SYCP1: variants seen among roughly 807,000 people sequenced by gnomAD.
SYCP1 encodes the protein cancer/testis antigen 8.
A neutral mutation model predicts 153.1 loss-of-function variants in SYCP1; 64 were observed. The observed-to-expected ratio is 0.42, with a 90% confidence interval of 0.34 to 0.51. The LOEUF is 0.51. Among genes scored for constraint, SYCP1 ranks in the 20% least tolerant of loss-of-function variants. The probability of loss-of-function intolerance (pLI) is 0.06; values close to 1 mark genes in which losing one functional copy is unlikely to be tolerated. For missense variants in SYCP1, 997 were observed against 1,049.0 expected, an observed-to-expected ratio of 0.95 and a Z score of 0.68; for synonymous variants, 384 against 341.8, an observed-to-expected ratio of 1.12 and a Z score of -1.36.
chr1:114,908,392 A>G (rs1194024703), intron 16 of SYCP1, among the ~76,000 whole-genome samples: 1 of 152,090 alleles, frequency 6.6e-6, no homozygotes, highest in African/African-American at 2.4e-5. Context: ...TAAATCTGTA[A>G]ATTTTTAACT....
intron 16 of SYCP1, among the ~76,000 whole-genome samples, chr1:114,906,092 A>C (rs1557788035): frequency 6.6e-6 from 1 of 151,858 alleles, no homozygotes; most frequent in African/African-American, 2.4e-5. Flanking sequence ...CAGCCTCCTG[A>C]GTAGCTGGGA....
chr1:114,877,093 C>T (rs977608348), intron 11 of SYCP1, among the ~76,000 whole-genome samples: 1 of 151,916 alleles, frequency 6.6e-6, no homozygotes. Flanking sequence ...TTTGTGAGAA[C>T]TTTTGTTCAG....
chr1:114,947,911 C>CTT lies in SYCP1; in HGVS notation c.2322+599_2322+600dup, dbSNP rs529889203. ...AATGTATATCCTTCTAGCATGTTTC[C>CTT]TTTTTTTTTATTATACTTTAAGTTT... On this transcript the variant is annotated intron_variant, in intron 27 of 31. Coordinates refer to ENST00000369522, the MANE Select transcript of SYCP1 (RefSeq NM_003176.4). 4.7e-3 allele frequency among the ~76,000 whole-genome samples: 671 copies of CTT among 143,606 alleles called. 1 individual carries two copies. The highest frequency in any genetic ancestry group is 0.016 in the African/African-American group (640 of 39,248). 94.2% of individuals were successfully genotyped at this position (143,606 alleles called of 152,430 possible). A position where few individuals can be genotyped will look rare whatever the true frequency, so the allele number is the denominator to read the frequency against.
At chr1:114,957,755 G>A (rs1369413339) in intron 27 of SYCP1, among the ~76,000 whole-genome samples, 1 of 152,098 alleles carries the variant, frequency 6.6e-6, no homozygotes, top group Non-Finnish European at 1.5e-5. Flanking sequence ...CACCTATTAG[G>A]ATGGCTGTTG....
At position 114,978,957 on chromosome 1, in the gene SYCP1, T is replaced by C. The variant is rs907712283; in HGVS notation, c.2382+1341T>C. 9.9e-5 allele frequency among the ~76,000 whole-genome samples: 15 copies of C among 151,850 alleles called. No individual in the cohort carries two copies. In the East Asian group the frequency reaches 1.4e-3, roughly 14 times the overall value. The stretch of plus-strand genomic sequence containing the variant: ...AGAATGTCTTCATATTATGAAAGTA[T>C]GTATCACATATTCTTATAGAGATAT... On this transcript the variant is annotated intron_variant, in intron 28 of 31. Transcript: ENST00000369522.
In SYCP1 at chr1:114,860,742, T is replaced by A; in HGVS notation, c.531T>A (p.Asn177Lys). 6.3e-7 allele frequency: 1 copy of A among 1,594,634 alleles called. No homozygotes were observed. Among genetic ancestry groups the A allele is most frequent in the Non-Finnish European group, 8.5e-7 (1 of 1,173,518 alleles). ...ACTCTTTCCTTTGTTTCAGGAATAA[T>A]GCCACAAGGCATTTATGTAATCTAC... ...QENKDLIKEN[N>K]ATRHLCNLLK... The change falls in exon 8 of 32, where the codon AAT (asparagine) becomes AAA (lysine). Residue 177 changes from asparagine (N) to lysine (K), a missense_variant. By Grantham distance (94) the Asn-to-Lys change is moderately conservative. Around this residue, in one of 2 missense-constraint regions of SYCP1, gnomAD observed 285 missense variants for 366.1 expected, o/e 0.78. Transcript: ENST00000369522.
At chr1:114,936,193 G>A (rs1669997367) in intron 23 of SYCP1, among the ~76,000 whole-genome samples, 1 of 152,092 alleles carries the variant, frequency 6.6e-6, no homozygotes. Context: ...ACATCACAAA[G>A]CTTATCCACC....
intron 30 of SYCP1, 26 bp downstream of exon 30, chr1:114,984,894 GTATT>G (rs1304271637): frequency 1.9e-5 from 22 of 1,144,244 alleles, no homozygotes; most frequent in African/African-American, 3.3e-5. Context: ...ATAATATTTA[GTATT>G]TATTTATATT....
Position 114,965,414 on chromosome 1 carries a change from G to A in SYCP1, c.2323-12143G>A, listed in dbSNP as rs142495933. On this transcript the variant is annotated intron_variant, in intron 27 of 31. Transcript: ENST00000369522. ...ACTATGTTGAATAGGAGTGGTGAGA[G>A]AGGGCATCCTTGTCTTGTGCTGGTT... Among the ~76,000 whole-genome samples, 158 of 152,310 alleles carry A rather than the reference G, an allele frequency of 1.0e-3. 2 individuals are homozygous for A. The highest frequency in any genetic ancestry group is 3.7e-3 in the African/African-American group (153 of 41,556).
intron 12 of SYCP1, among the ~76,000 whole-genome samples, chr1:114,883,466 G>C (rs1666087589): frequency 6.6e-6 from 1 of 152,072 alleles, no homozygotes; most frequent in African/African-American, 2.4e-5. Context: ...TTTATTTGTG[G>C]AAATTCTTTA....
chr1:114,864,789 C>T (rs924113172), intron 8 of SYCP1, among the ~76,000 whole-genome samples: 1 of 152,042 alleles, frequency 6.6e-6, no homozygotes, highest in African/African-American at 2.4e-5. Flanking sequence ...CCCTGGCCCA[C>T]ATAATTTCTT....
At chr1:114,854,334 A>G (rs1282638328), upstream of SYCP1, among the ~76,000 whole-genome samples, 1 of 152,014 alleles carries the variant, frequency 6.6e-6, no homozygotes, top group African/African-American at 2.4e-5. Flanking sequence ...GGGTCTCACT[A>G]CGTTGCCCAG....
At chr1:114,854,416 G>A (rs2101225989), upstream of SYCP1, among the ~76,000 whole-genome samples, 1 of 152,086 alleles carries the variant, frequency 6.6e-6, no homozygotes, top group East Asian at 1.9e-4. Flanking sequence ...GGGATTACAG[G>A]CGTGAGCCAC....
chr1:114,886,058 A>G (rs925082988), intron 13 of SYCP1, 67 bp from the exon 14 acceptor site: 14 of 1,070,434 alleles, frequency 1.3e-5, no homozygotes, highest in East Asian at 5.2e-5. Context: ...ATAGAAGCAG[A>G]TAAGTTCAGC....
intron 30 of SYCP1, among the ~76,000 whole-genome samples, chr1:114,992,001 A>G (rs1276964303): frequency 1.3e-5 from 2 of 151,834 alleles, no homozygotes; most frequent in African/African-American, 4.8e-5. Context: ...GTTTTTATAT[A>G]CCAGCGATGA....
At chr1:114,880,088 G>T (rs928089773) in intron 12 of SYCP1, among the ~76,000 whole-genome samples, 3 of 151,654 alleles carry the variant, frequency 2.0e-5, no homozygotes, top group African/African-American at 7.3e-5. Context: ...TATTTCTATC[G>T]TTTCTTTTTT....
Position 114,913,170 on chromosome 1 carries a change from G to T in SYCP1, c.1647+20G>T. The T allele has an allele frequency of 1.3e-6, 2 of 1,581,716 alleles. No individual in the cohort carries two copies. The highest frequency in any genetic ancestry group is 1.1e-5 in the South Asian group (1 of 89,758). On this transcript the variant is annotated intron_variant, in intron 19 of 31. Transcript: ENST00000369522. ...ATTAATGTGAGTTGAAAAAGAAAGT[G>T]CTGGTGACTTAGTTTTCTTCCAATT...
At chr1:114,955,798 A>G (rs1671396417) in intron 27 of SYCP1, among the ~76,000 whole-genome samples, 1 of 152,136 alleles carries the variant, frequency 6.6e-6, no homozygotes. Flanking sequence ...GACTGACAGT[A>G]GGTTACAGGT....
intron 9 of SYCP1, among the ~76,000 whole-genome samples, chr1:114,875,760 G>A (rs933221780): frequency 6.6e-6 from 1 of 152,108 alleles, no homozygotes; most frequent in Non-Finnish European, 1.5e-5. Context: ...AAATAAATAA[G>A]CACAAATAAA....
Sources: allele counts gnomAD v4.1 joint callset (sites outside exome capture counted in the v4.1 genomes callset), GRCh38; gene constraint gnomAD v4.1.1; regional missense constraint gnomAD v4.1.1; transcripts MANE v1.5; gene names NCBI Gene and HGNC (gene_info 2026-07-23, HGNC 2026-07-21).